CCNH: variants seen among roughly 807,000 people sequenced by gnomAD.
CCNH encodes the protein cyclin H.
CCNH carries 31 observed loss-of-function variants against 41.9 expected under a neutral mutation model. That is an observed-to-expected ratio of 0.74 (90% CI 0.56 to 1.00). CCNH has a LOEUF of 1.00. Among genes scored for constraint, CCNH ranks in the 50% least tolerant of loss-of-function variants. The pLI is 0.00. For missense variants in CCNH, 362 were observed against 388.4 expected, an observed-to-expected ratio of 0.93 and a Z score of 0.57; for synonymous variants, 138 against 136.1, an observed-to-expected ratio of 1.01 and a Z score of -0.10.
chr5:87,402,004 A>G (rs1405212259), intron 5 of CCNH, among the ~76,000 whole-genome samples: 1 of 152,220 alleles, frequency 6.6e-6, no homozygotes, highest in Non-Finnish European at 1.5e-5. Context: ...CAGAGGGAAA[A>G]TAGTATGAAA....
rs1050125907 is a variant in CCNH, at chr5:87,377,130, T to C, written n.51A>G. On this transcript the variant is annotated non_coding_transcript_exon_variant, in exon 1 of 1. Transcript: ENST00000607486. Reference sequence around the variant, plus strand: ...GGACTCTATCTCTGAATATACTAAATTGTTAAATTATATTGCAAAATAAGT... The same window carrying C: ...GGACTCTATCTCTGAATATACTAAACTGTTAAATTATATTGCAAAATAAGT... 66 of 1,465,074 alleles carry C rather than the reference T, an allele frequency of 4.5e-5. No individual in the cohort carries two copies. The African/African-American group carries it at 8.6e-4, about 19-fold the overall frequency. 90.8% of individuals were successfully genotyped at this position (1,465,074 alleles called of 1,614,324 possible).
downstream of CCNH, among the ~76,000 whole-genome samples, chr5:87,390,469 T>C (rs927163186): frequency 2.6e-5 from 4 of 151,892 alleles, no homozygotes; most frequent in African/African-American, 9.7e-5. Context: ...TGACTTGACT[T>C]GCCTTAGATA....
intron 9 of CCNH, among the ~76,000 whole-genome samples, chr5:87,358,315 CTG>C (rs1198445577): frequency 1.3e-5 from 2 of 152,174 alleles, no homozygotes; most frequent in African/African-American, 4.8e-5. Flanking sequence ...ATTTTAAGCA[CTG>C]TTTTTTATAC....
At chr5:87,401,431 A>G (rs1489259937) in intron 6 of CCNH, among the ~76,000 whole-genome samples, 1 of 152,176 alleles carries the variant, frequency 6.6e-6, no homozygotes, top group Non-Finnish European at 1.5e-5. Context: ...TATTCTTTAA[A>G]AGGATCCTGT....
At chr5:87,324,960 T>C (rs998753759) in intron 9 of CCNH, among the ~76,000 whole-genome samples, 7 of 152,208 alleles carry the variant, frequency 4.6e-5, no homozygotes, top group Admixed American at 4.6e-4. Flanking sequence ...TTTTTTTATT[T>C]TTTTTTAACC....
chr5:87,354,252 A>G (rs921021591), intron 9 of CCNH, among the ~76,000 whole-genome samples: 1 of 152,086 alleles, frequency 6.6e-6, no homozygotes, highest in African/African-American at 2.4e-5. Context: ...GCATTGCCTT[A>G]TTATGTTTCA....
At chr5:87,316,070 A>G (rs560916650), downstream of CCNH, among the ~76,000 whole-genome samples, 1 of 152,352 alleles carries the variant, frequency 6.6e-6, no homozygotes, top group South Asian at 2.1e-4. Flanking sequence ...ATTTTTGGAT[A>G]ATTTTCAGAA....
At chr5:87,328,518 G>C (rs1468126581) in intron 9 of CCNH, among the ~76,000 whole-genome samples, 1 of 152,088 alleles carries the variant, frequency 6.6e-6, no homozygotes, top group South Asian at 2.1e-4. Flanking sequence ...GAGTATTTTA[G>C]ACAAATAACC....
downstream of CCNH, chr5:87,392,096 C>T: frequency 9.3e-6 from 3 of 323,860 alleles, no homozygotes; most frequent in East Asian, 6.5e-5. Flanking sequence ...AATTCCTTCC[C>T]TCTCATAATT....
At chr5:87,356,304 A>G (rs1370180638) in intron 9 of CCNH, among the ~76,000 whole-genome samples, 1 of 152,026 alleles carries the variant, frequency 6.6e-6, no homozygotes, top group Non-Finnish European at 1.5e-5. Flanking sequence ...TGCCCTAATC[A>G]CTTAGCAGAC....
chr5:87,314,827 T>G (rs1756201215), downstream of CCNH, among the ~76,000 whole-genome samples: 1 of 152,192 alleles, frequency 6.6e-6, no homozygotes, highest in African/African-American at 2.4e-5. Context: ...ATTCTGTCTT[T>G]AAGGTTGATG....
chr5:87,324,324 A>G (rs1757050336), intron 9 of CCNH, among the ~76,000 whole-genome samples: 1 of 152,170 alleles, frequency 6.6e-6, no homozygotes, highest in South Asian at 2.1e-4. Context: ...TGATCAGTGC[A>G]TAACATTTCT....
At chr5:87,384,747 C>T (rs1340681803) in intron 9 of CCNH, among the ~76,000 whole-genome samples, 1 of 152,048 alleles carries the variant, frequency 6.6e-6, no homozygotes, top group East Asian at 1.9e-4. Context: ...ATCTGTGTTC[C>T]ACAGGGAAGT....
chr5:87,318,170 A>G (rs1756490432), downstream of CCNH, among the ~76,000 whole-genome samples: 1 of 152,190 alleles, frequency 6.6e-6, no homozygotes, highest in African/African-American at 2.4e-5. Flanking sequence ...CTGAGCTTCT[A>G]TTATAACCCC....
intron 9 of CCNH, among the ~76,000 whole-genome samples, chr5:87,321,631 G>A (rs1046495769): frequency 6.6e-6 from 1 of 152,256 alleles, no homozygotes; most frequent in African/African-American, 2.4e-5. Flanking sequence ...AGGTCTGGAT[G>A]CCATAGGGCA....
the CCNH span, among the ~76,000 whole-genome samples, chr5:87,313,242 G>A: frequency 1.3e-5 from 2 of 152,256 alleles, no homozygotes; most frequent in South Asian, 2.1e-4. Context: ...GGGCACAGGT[G>A]GTCTTTAGCT....
downstream of CCNH, chr5:87,392,319 A>T: frequency 2.2e-6 from 1 of 456,014 alleles, no homozygotes. Flanking sequence ...GTTCCAAGCT[A>T]CAAAAGGCAG....
rs771505620 is a variant in CCNH, at chr5:87,362,703, G to C, written c.*90+30067C>G. 2.5e-6 allele frequency: 4 copies of C among 1,591,628 alleles called. No individual in the cohort carries two copies. In the Admixed American group the frequency reaches 6.7e-5, roughly 27 times the overall value. On this transcript the variant is annotated intron_variant and NMD_transcript_variant, in intron 9 of 9. Transcript: ENST00000645953. The stretch of plus-strand genomic sequence containing the variant: ...TCAGACTTTTATCATTAACCCATTT[G>C]ATAGAGACGTTGTAAATATGGAGCT...
intron 1 of CCNH, among the ~76,000 whole-genome samples, chr5:87,411,819 A>T (rs940383656): frequency 1.3e-5 from 2 of 152,240 alleles, no homozygotes; most frequent in African/African-American, 2.4e-5. Flanking sequence ...AGCCCTTAGG[A>T]AACTAATTCA....
Sources: gnomAD v4.1 joint callset for allele counts (sites outside exome capture counted in the v4.1 genomes callset) on GRCh38, gnomAD v4.1.1 for gene constraint, MANE v1.5 for transcripts, NCBI Gene and HGNC (gene_info 2026-07-23, HGNC 2026-07-21) for gene names.